Variants in IGF1R observed in about 807,000 individuals in gnomAD.
IGF1R encodes insulin like growth factor 1 receptor.
A neutral mutation model predicts 144.6 loss-of-function variants in IGF1R; 44 were observed. That is an observed-to-expected ratio of 0.30 (90% CI 0.24 to 0.39). IGF1R has a LOEUF of 0.39. Ranked by LOEUF, IGF1R falls within the 10% of genes least tolerant of loss-of-function variation. IGF1R has a pLI of 1.00. For synonymous variants in IGF1R, 795 were observed against 722.8 expected (o/e 1.10, Z -1.60); for missense variants, 1,355 against 1,833.7 (o/e 0.74, Z 4.77).
At chr15:98,944,773 G>A (rs1343141939) in intron 19 of IGF1R, among the ~76,000 whole-genome samples, 1 of 152,260 alleles carries the variant, frequency 6.6e-6, no homozygotes, top group African/African-American at 2.4e-5. Flanking sequence ...CTTCTGCTAA[G>A]AGGTTTCCTT....
chr15:98,822,832 A>G (rs993476787), intron 2 of IGF1R, among the ~76,000 whole-genome samples: 5 of 152,238 alleles, frequency 3.3e-5, no homozygotes, highest in Non-Finnish European at 5.9e-5. Context: ...GGTGAAATAA[A>G]TTAAGAATAA....
At chr15:98,892,950 A>C (rs1486543536) in intron 3 of IGF1R, among the ~76,000 whole-genome samples, 1 of 152,180 alleles carries the variant, frequency 6.6e-6, no homozygotes, top group Non-Finnish European at 1.5e-5. Context: ...CCTTGAGGTC[A>C]AGGCCGAAAT....
At chr15:98,752,291 C>T (rs976818648) in intron 2 of IGF1R, among the ~76,000 whole-genome samples, 1 of 152,166 alleles carries the variant, frequency 6.6e-6, no homozygotes, top group African/African-American at 2.4e-5. Context: ...ACTGTGAGAG[C>T]TCAGGGCATG....
chr15:98,707,482 C>G lies in IGF1R; in HGVS notation c.95-80C>G. On this transcript the variant is annotated intron_variant, in intron 1 of 20. Coordinates refer to ENST00000650285, the MANE Select transcript of IGF1R (RefSeq NM_000875.5). The surrounding 1 kb of genome is among the most constrained non-coding windows in gnomAD (Gnocchi z 6.7). Reference sequence around the variant, plus strand: ...AATAATAATACAGGATTCCTGAAAACCAACTGTATTATTGTTTGGAAAATA... The same window carrying G: ...AATAATAATACAGGATTCCTGAAAAGCAACTGTATTATTGTTTGGAAAATA... The G allele has an allele frequency of 7.4e-7, 1 of 1,356,956 alleles. No individual in the cohort carries two copies. The highest frequency in any genetic ancestry group is 1.0e-6 in the Non-Finnish European group (1 of 967,456). 84.1% of individuals were successfully genotyped at this position (1,356,956 alleles called of 1,614,324 possible).
intron 2 of IGF1R, among the ~76,000 whole-genome samples, chr15:98,851,015 A>AC (rs577323767): frequency 8.3e-4 from 126 of 152,310 alleles, no homozygotes; most frequent in Non-Finnish European, 1.5e-3. Flanking sequence ...ACCATCTGCA[A>AC]CCTTAACACA....
At chr15:98,944,697 GA>G (rs766378248) in intron 19 of IGF1R, among the ~76,000 whole-genome samples, 1 of 152,220 alleles carries the variant, frequency 6.6e-6, no homozygotes, top group African/African-American at 2.4e-5. Flanking sequence ...TAGGATTTGG[GA>G]TGTATCCCTG....
chr15:98,752,194 G>A (rs1386288208), intron 2 of IGF1R, among the ~76,000 whole-genome samples: 1 of 152,110 alleles, frequency 6.6e-6, no homozygotes, highest in Non-Finnish European at 1.5e-5. Context: ...ACAAGCAGAT[G>A]CTTTCCACAA....
intron 2 of IGF1R, among the ~76,000 whole-genome samples, chr15:98,743,275 G>C (rs1172210515): frequency 3.3e-5 from 5 of 152,126 alleles, no homozygotes; most frequent in African/African-American, 1.2e-4. Flanking sequence ...CCATGACACA[G>C]GTATACTACC....
chr15:98,726,764 G>A (rs1193182190), intron 2 of IGF1R, among the ~76,000 whole-genome samples: 3 of 130,612 alleles, frequency 2.3e-5, no homozygotes, highest in Non-Finnish European at 4.7e-5. Context: ...TTGTCACCCC[G>A]GCTGGAGTGC....
At chr15:98,945,287 T>G (rs2016510207) in intron 19 of IGF1R, among the ~76,000 whole-genome samples, 1 of 152,230 alleles carries the variant, frequency 6.6e-6, no homozygotes, top group South Asian at 2.1e-4. Flanking sequence ...AATTACCATC[T>G]GTGGGGAATG....
At chr15:98,938,052 C>T (rs977514768) in intron 17 of IGF1R, among the ~76,000 whole-genome samples, 10 of 152,144 alleles carry the variant, frequency 6.6e-5, no homozygotes, top group Non-Finnish European at 1.0e-4. Flanking sequence ...CCAGAAGTAC[C>T]GAGGAGTTGT....
intron 2 of IGF1R, chr15:98,784,439 C>G: frequency 6.5e-6 from 1 of 153,908 alleles, no homozygotes; most frequent in Non-Finnish European, 1.5e-5. Flanking sequence ...TTGGCCAACT[C>G]TGACCCCTTA....
In IGF1R at chr15:98,707,160, T is replaced by C. The variant is rs1209142071; in HGVS notation, c.95-402T>C. On this transcript the variant is annotated intron_variant, in intron 1 of 20. Transcript: ENST00000650285. The surrounding 1 kb of genome is among the most constrained non-coding windows in gnomAD (Gnocchi z 6.7). The stretch of plus-strand genomic sequence containing the variant: ...AGTTATTGATACTTGGCTGCTGAGC[T>C]GTCGTTCAGGCCTTGGCAACTGACG... Among the ~76,000 whole-genome samples, 1 of 152,186 alleles carries C rather than the reference T, an allele frequency of 6.6e-6. No individual in the cohort carries two copies. The highest frequency in any genetic ancestry group is 1.5e-5 in the Non-Finnish European group (1 of 68,034).
rs959358903 is a variant in IGF1R at position 98,891,715 on chromosome 15, G to A, written c.953+78G>A. 14 of 1,434,574 alleles carry A rather than the reference G, an allele frequency of 9.8e-6. No individual in the cohort carries two copies. The highest frequency in any genetic ancestry group is 3.7e-5 in the Admixed American group (2 of 54,352). 88.9% of individuals were successfully genotyped at this position (1,434,574 alleles called of 1,614,324 possible). A position where few individuals can be genotyped will look rare whatever the true frequency, so the allele number is the denominator to read the frequency against. On this transcript the variant is annotated intron_variant, in intron 3 of 20. Transcript: ENST00000650285. This position sits in a 1 kb window ranked among gnomAD's most constrained non-coding sequence, Gnocchi z 4.7. ...CTAGCACACAAAGGTAGACTCTGTCGGTTGTTTCATCCGGGTGCAGCCCTC... is the reference window on the plus strand; with the variant it reads ...CTAGCACACAAAGGTAGACTCTGTCAGTTGTTTCATCCGGGTGCAGCCCTC...
chr15:98,843,350 G>C (rs533262405), intron 2 of IGF1R, among the ~76,000 whole-genome samples: 1 of 152,198 alleles, frequency 6.6e-6, no homozygotes, highest in South Asian at 2.1e-4. Context: ...AAACGGATTA[G>C]AGCTGTCAAC....
intron 2 of IGF1R, among the ~76,000 whole-genome samples, chr15:98,819,497 C>G (rs571982491): frequency 1.3e-5 from 2 of 152,074 alleles, no homozygotes; most frequent in Non-Finnish European, 2.9e-5. Context: ...CCTCCGTGAA[C>G]CAGAAAGTGG....
intron 1 of IGF1R, among the ~76,000 whole-genome samples, chr15:98,675,819 TTTC>T (rs2053023831): frequency 3.8e-5 from 5 of 133,310 alleles, no homozygotes; most frequent in Non-Finnish European, 3.1e-5. Flanking sequence ...TTTTTCTTTC[TTTC>T]TTTCTTTTTT....
At chr15:98,954,167 G>A (rs933155298) in intron 20 of IGF1R, 1 of 152,234 alleles carries the variant, frequency 6.6e-6, no homozygotes, top group Non-Finnish European at 1.5e-5. Context: ...AGGACATCAG[G>A]GCCAAGAGTG....
chr15:98,727,822 GC>G (rs1240439008), intron 2 of IGF1R, among the ~76,000 whole-genome samples: 3 of 152,132 alleles, frequency 2.0e-5, no homozygotes. Flanking sequence ...GAAACCGCCG[GC>G]CGGCCCTGGT....
Sources: allele counts gnomAD v4.1 joint callset (sites outside exome capture counted in the v4.1 genomes callset), GRCh38; gene constraint gnomAD v4.1.1; non-coding constraint Gnocchi (gnomAD v3.1); transcripts MANE v1.5; gene names NCBI Gene and HGNC (gene_info 2026-07-23, HGNC 2026-07-21).